The following GPC5 variants were observed in gnomAD, a reference collection of about 807,000 sequenced individuals.
The protein encoded by GPC5 is glypican 5.
GPC5 carries 47 observed loss-of-function variants against 53.9 expected under a neutral mutation model. The ratio of observed to expected loss-of-function variants is 0.87; its 90% CI spans 0.69 to 1.11. The LOEUF is 1.11. Ranked by LOEUF, GPC5 falls within the 50% of genes most tolerant of loss-of-function variation. GPC5 has a pLI of 0.00. For synonymous variants in GPC5, 286 were observed against 263.3 expected, an observed-to-expected ratio of 1.09 and a Z score of -0.84; for missense variants, 748 against 713.1, an observed-to-expected ratio of 1.05 and a Z score of -0.56.
chr13:91,600,050 A>G (rs536622943), intron 2 of GPC5, among the ~76,000 whole-genome samples: 17 of 152,166 alleles, frequency 1.1e-4, no homozygotes, highest in African/African-American at 4.1e-4. Context: ...CCTCCCAAGT[A>G]GCTGGGATTA....
intron 2 of GPC5, among the ~76,000 whole-genome samples, chr13:91,467,682 C>T (rs1370677811): frequency 6.6e-6 from 1 of 151,954 alleles, no homozygotes; most frequent in Non-Finnish European, 1.5e-5. Flanking sequence ...ACATTAAAAC[C>T]ATTTTTAAAA....
intron 7 of GPC5, among the ~76,000 whole-genome samples, chr13:92,826,670 C>T (rs953605237): frequency 2.6e-5 from 4 of 152,098 alleles, no homozygotes; most frequent in African/African-American, 9.7e-5. Context: ...TACATGTATA[C>T]TTAGTTTTAC....
chr13:92,238,430 C>G (rs755047018), intron 7 of GPC5, among the ~76,000 whole-genome samples: 4 of 152,004 alleles, frequency 2.6e-5, no homozygotes, highest in African/African-American at 9.7e-5. Context: ...CAATGTGGCT[C>G]TGATTTCCAT....
chr13:92,745,957 A>C (rs1889232369), intron 7 of GPC5, among the ~76,000 whole-genome samples: 1 of 152,158 alleles, frequency 6.6e-6, no homozygotes, highest in Non-Finnish European at 1.5e-5. Context: ...TTTGAGCTCA[A>C]GCATTAAAGG....
intron 7 of GPC5, among the ~76,000 whole-genome samples, chr13:92,483,176 T>C (rs1313940718): frequency 6.6e-6 from 1 of 152,222 alleles, no homozygotes; most frequent in African/African-American, 2.4e-5. Flanking sequence ...AGGTGAAATT[T>C]GGGTGAGGAC....
At chr13:92,613,600 TTA>T (rs1403581940) in intron 7 of GPC5, among the ~76,000 whole-genome samples, 2 of 123,432 alleles carry the variant, frequency 1.6e-5, no homozygotes, top group Non-Finnish European at 3.3e-5. Flanking sequence ...TATCATTTTA[TTA>T]TATTTATTTT....
intron 7 of GPC5, among the ~76,000 whole-genome samples, chr13:92,393,513 G>A (rs527951634): frequency 6.6e-6 from 1 of 152,134 alleles, no homozygotes; most frequent in Non-Finnish European, 1.5e-5. Flanking sequence ...GCTGGGCATG[G>A]TGGTTCACTC....
At chr13:92,785,184 G>A (rs913990534) in intron 7 of GPC5, among the ~76,000 whole-genome samples, 1 of 152,154 alleles carries the variant, frequency 6.6e-6, no homozygotes, top group Admixed American at 6.5e-5. Flanking sequence ...GCTGAGGCAC[G>A]AGAATCGCTT....
At chr13:91,991,059 A>G (rs76634447) in intron 6 of GPC5, among the ~76,000 whole-genome samples, 5,648 of 152,314 alleles carry the variant, frequency 0.037, 150 homozygotes, top group Middle Eastern at 0.061. Flanking sequence ...TTGTGTGTGC[A>G]TTCATAGCAA....
chr13:92,344,895 G>A (rs2043397852), intron 7 of GPC5, among the ~76,000 whole-genome samples: 1 of 152,118 alleles, frequency 6.6e-6, no homozygotes, highest in Non-Finnish European at 1.5e-5. Flanking sequence ...TTAGCTGACT[G>A]ATTATATGAT....
intron 7 of GPC5, among the ~76,000 whole-genome samples, chr13:92,314,515 T>C (rs2043165745): frequency 6.6e-6 from 1 of 152,242 alleles, no homozygotes; most frequent in Admixed American, 6.5e-5. Context: ...TTATCTGTTT[T>C]CTTTGATTAA....
intron 7 of GPC5, among the ~76,000 whole-genome samples, chr13:92,520,758 A>G (rs1881009897): frequency 6.6e-6 from 1 of 152,122 alleles, no homozygotes; most frequent in African/African-American, 2.4e-5. Flanking sequence ...CCTGTTCAAC[A>G]TAGTGTTGGA....
chr13:92,205,223 A>G (rs780801741), intron 7 of GPC5, among the ~76,000 whole-genome samples: 14 of 150,888 alleles, frequency 9.3e-5, no homozygotes, highest in Non-Finnish European at 1.9e-4. Context: ...GTTTTTTGAG[A>G]CAGTTTTGCT....
intron 7 of GPC5, among the ~76,000 whole-genome samples, chr13:92,799,771 G>A (rs1876833512): frequency 6.6e-6 from 1 of 151,664 alleles, no homozygotes; most frequent in South Asian, 2.1e-4. Flanking sequence ...CACACACACT[G>A]CTTTTTGAAT....
intron 6 of GPC5, among the ~76,000 whole-genome samples, chr13:91,969,846 C>CA (rs2040224167): frequency 6.6e-6 from 1 of 151,282 alleles, no homozygotes; most frequent in African/African-American, 2.4e-5. Flanking sequence ...ATCTGTTGTA[C>CA]AAAAAAACAA....
At chr13:92,456,628 G>A (rs528380389) in intron 7 of GPC5, among the ~76,000 whole-genome samples, 28 of 152,254 alleles carry the variant, frequency 1.8e-4, no homozygotes, top group African/African-American at 5.8e-4. Flanking sequence ...CCTTGTGAGC[G>A]TGGGTCTCTG....
At chr13:92,738,907 T>TA (rs1889013776) in intron 7 of GPC5, among the ~76,000 whole-genome samples, 1 of 152,122 alleles carries the variant, frequency 6.6e-6, no homozygotes, top group Non-Finnish European at 1.5e-5. Context: ...AGCATAGAAT[T>TA]TTTAAAACTC....
At chr13:91,732,893 G>C (rs1191452768) in intron 4 of GPC5, among the ~76,000 whole-genome samples, 1 of 152,016 alleles carries the variant, frequency 6.6e-6, no homozygotes, top group Non-Finnish European at 1.5e-5. Flanking sequence ...ATTTGTTTTG[G>C]TACCAGTACC....
chr13:91,543,829 C>T (rs2030114361), intron 2 of GPC5, among the ~76,000 whole-genome samples: 1 of 152,060 alleles, frequency 6.6e-6, no homozygotes, highest in Non-Finnish European at 1.5e-5. Context: ...ACTATAGAGC[C>T]TATATTTTCC....
Sources: allele counts gnomAD v4.1 joint callset (sites outside exome capture counted in the v4.1 genomes callset), GRCh38; gene constraint gnomAD v4.1.1; transcripts MANE v1.5; gene names NCBI Gene and HGNC (gene_info 2026-07-23, HGNC 2026-07-21).